The following SH3GL1 variants were observed in gnomAD, a reference collection of about 807,000 sequenced individuals.
SH3GL1 encodes the protein SH3 domain containing GRB2 like 1, endophilin A2, also known as endophilin-A2.
In SH3GL1, 21 loss-of-function variants were observed where a neutral mutation model predicts 48.8. The ratio of observed to expected loss-of-function variants is 0.43; its 90% CI spans 0.30 to 0.62. SH3GL1 has a LOEUF of 0.62. Among genes scored for constraint, SH3GL1 ranks in the 20% least tolerant of loss-of-function variants. The pLI is 0.11. For synonymous variants in SH3GL1, 282 were observed against 217.5 expected (o/e 1.30, Z -2.61); for missense variants, 454 against 503.0 (o/e 0.90, Z 0.93).
At chr19:4,396,620 AT>A (rs1261124705) in intron 1 of SH3GL1, among the ~76,000 whole-genome samples, 3 of 151,886 alleles carry the variant, frequency 2.0e-5, no homozygotes, top group Non-Finnish European at 2.9e-5. Flanking sequence ...CTCAGTGGGG[AT>A]TTTTTTGTTC....
chr19:4,393,412 G>A (rs1387121335), intron 1 of SH3GL1, among the ~76,000 whole-genome samples: 1 of 152,156 alleles, frequency 6.6e-6, no homozygotes, highest in African/African-American at 2.4e-5. Context: ...TTGAGTCCAG[G>A]AGTTCAAGAC....
In SH3GL1 at chr19:4,376,187, CT is replaced by C. The variant is rs1973005484; in HGVS notation, c.46-9194del. ...GCCCTTCCTGAGACACAGAAACCAT[CT>C]TCACCATCTCTAAGATCCCTTCCAT... is the stretch of plus-strand genomic sequence containing the variant. On this transcript the variant is annotated intron_variant, in intron 1 of 9. Coordinates refer to ENST00000269886, the MANE Select transcript of SH3GL1 (RefSeq NM_003025.4). The surrounding 1 kb of genome is among the most constrained non-coding windows in gnomAD (Gnocchi z 4.3). 6.6e-6 allele frequency among the ~76,000 whole-genome samples: 1 copy of C among 152,214 alleles called. No homozygotes were observed. The highest frequency in any genetic ancestry group is 2.4e-5 in the African/African-American group (1 of 41,466).
chr19:4,367,034 T>TAGGAGGCTGGGC lies in SH3GL1; in HGVS notation c.46-41_46-40insGCCCAGCCTCCT. 6.3e-7 allele frequency: 1 copy of TAGGAGGCTGGGC among 1,594,254 alleles called. No individual in the cohort carries two copies. Among genetic ancestry groups the TAGGAGGCTGGGC allele is most frequent in the Admixed American group, 1.7e-5 (1 of 59,946 alleles). On this transcript the variant is annotated intron_variant, in intron 1 of 9. Coordinates refer to ENST00000269886, the MANE Select transcript of SH3GL1 (RefSeq NM_003025.4). This position sits in a 1 kb window ranked among gnomAD's most constrained non-coding sequence, Gnocchi z 4.2. ...AGGGGAAACGCTGTGAGCCCAGGGG[T>TAGGAGGCTGGGC]AGGAGGAAGAAGAGGACAGGAGGCC...
Position 4,366,546 on chromosome 19 carries a change from T to A in SH3GL1, c.142A>T (p.Thr48Ser). Residue 48 changes from threonine to serine, a missense_variant, in exon 3 of 10, where the codon ACA becomes TCA. Thr to Ser is a moderately conservative substitution (Grantham distance 58). Coordinates refer to ENST00000269886, the MANE Select transcript of SH3GL1 (RefSeq NM_003025.4). ...KKVDVTSKAV[T>S]EVLARTIEYL... Reference sequence around the variant, plus strand: ...TCGATGGTCCTGGCCAGCACTTCTGTCACCGCCTTGCTGGTGACATCCACC... The same window carrying A: ...TCGATGGTCCTGGCCAGCACTTCTGACACCGCCTTGCTGGTGACATCCACC... The A allele has an allele frequency of 6.2e-7, 1 of 1,612,182 alleles. No individual in the cohort carries two copies. Among genetic ancestry groups the A allele is most frequent in the Non-Finnish European group, 8.5e-7 (1 of 1,179,658 alleles).
rs149206292 is a variant in SH3GL1, at chr19:4,382,807, G to T, written c.46-15813C>A. Among the ~76,000 whole-genome samples, 225 of 152,298 alleles carry T rather than the reference G, an allele frequency of 1.5e-3. 5 individuals are homozygous for T. The East Asian group carries it at 0.038, about 25-fold the overall frequency. On this transcript the variant is annotated intron_variant, in intron 1 of 9. Transcript: ENST00000269886. ...GTTCTAGAAAGCTACCTCAAGCACA[G>T]AGTTGGCCAGTACTGAGCCACTGTT...
At chr19:4,363,187 A>G (rs1347395098) in intron 7 of SH3GL1, among the ~76,000 whole-genome samples, 183 bp downstream of exon 7, 1 of 152,132 alleles carries the variant, frequency 6.6e-6, no homozygotes, top group Non-Finnish European at 1.5e-5. Context: ...GTTGACTCAG[A>G]GTTCTCAGAG....
intron 1 of SH3GL1, chr19:4,380,157 T>A (rs1000235422): frequency 2.0e-5 from 3 of 152,456 alleles, no homozygotes; most frequent in Non-Finnish European, 2.9e-5. Flanking sequence ...GCTCTCTCCC[T>A]GCACCGGAAA....
intron 1 of SH3GL1, among the ~76,000 whole-genome samples, chr19:4,397,757 T>C (rs1973450893): frequency 6.6e-6 from 1 of 152,178 alleles, no homozygotes; most frequent in African/African-American, 2.4e-5. Context: ...TTCGTCTGGA[T>C]TAAATCTTTC....
intron 4 of SH3GL1, among the ~76,000 whole-genome samples, chr19:4,364,866 T>TGTGTGTGTG (rs1972729372): frequency 4.1e-5 from 4 of 97,168 alleles, no homozygotes; most frequent in African/African-American, 1.6e-4. Flanking sequence ...ACCCGGCTAA[T>TGTGTGTGTG]TGTGTGTGTG....
chr19:4,362,943 CCA>C (rs1341972798), intron 7 of SH3GL1, among the ~76,000 whole-genome samples: 2 of 152,116 alleles, frequency 1.3e-5, no homozygotes, highest in African/African-American at 4.8e-5. Context: ...TGGAGGCATC[CCA>C]GAGATTGCCA....
intron 1 of SH3GL1, among the ~76,000 whole-genome samples, chr19:4,386,903 G>A (rs1973245971): frequency 6.6e-6 from 1 of 152,208 alleles, no homozygotes; most frequent in Admixed American, 6.5e-5. Flanking sequence ...CACGTGGTCA[G>A]AACACAACTC....
At chr19:4,383,423 G>T (rs372829562) in intron 1 of SH3GL1, among the ~76,000 whole-genome samples, 1 of 150,876 alleles carries the variant, frequency 6.6e-6, no homozygotes, top group Non-Finnish European at 1.5e-5. Flanking sequence ...TTGTAGAGAC[G>T]GGGTTTCACT....
intron 1 of SH3GL1, among the ~76,000 whole-genome samples, chr19:4,396,335 G>A (rs572823489): frequency 6.6e-6 from 1 of 152,246 alleles, no homozygotes; most frequent in African/African-American, 2.4e-5. Flanking sequence ...GGAGGCGGAG[G>A]TTGCAGTGAG....
intron 1 of SH3GL1, among the ~76,000 whole-genome samples, chr19:4,372,304 CCAA>C (rs1430944383): frequency 6.6e-6 from 1 of 152,226 alleles, no homozygotes; most frequent in Admixed American, 6.5e-5. Flanking sequence ...TGCCCGGCCC[CCAA>C]CGTCACAGAG....
rs1468553591 is a variant in SH3GL1 at position 4,400,496 on chromosome 19, G to T, written c.-128C>A. ...TCCGCCACCCGCTTGCCAGCTCCGC[G>T]CCCGCCCCGGCGCCGCCTCAGCCGC... On this transcript the variant is annotated 5_prime_UTR_variant, in exon 1 of 10. Coordinates refer to ENST00000269886, the MANE Select transcript of SH3GL1 (RefSeq NM_003025.4). This position sits in a 1 kb window ranked among gnomAD's most constrained non-coding sequence, Gnocchi z 4.1. The T allele has an allele frequency of 2.6e-6, 2 of 755,244 alleles. No individual in the cohort carries two copies. Among genetic ancestry groups the T allele is most frequent in the Non-Finnish European group, 3.3e-6 (2 of 603,166 alleles). 46.8% of individuals were successfully genotyped at this position (755,244 alleles called of 1,614,324 possible). A position where few individuals can be genotyped will look rare whatever the true frequency, so the allele number is the denominator to read the frequency against.
Position 4,360,486 on chromosome 19 carries a change from AG to A in SH3GL1, c.*1113del, listed in dbSNP as rs562664946. On this transcript the variant is annotated 3_prime_UTR_variant, in exon 10 of 10. Transcript: ENST00000269886. ...CTGCGCCCCTCATGTACTTCTGACG[AG>A]GGGGGTGCAGGGCAGGGCAGAGCAG... 8.3e-4 allele frequency: 195 copies of A among 233,786 alleles called. 1 individual carries two copies. The highest frequency in any genetic ancestry group is 6.8e-3 in the South Asian group (39 of 5,694). 14.5% of individuals were successfully genotyped at this position (233,786 alleles called of 1,614,324 possible).
intron 9 of SH3GL1, 129 bp from the exon 10 acceptor site, chr19:4,361,925 C>CCCCCTG: frequency 1.5e-6 from 1 of 671,146 alleles, no homozygotes; most frequent in Non-Finnish European, 2.5e-6. Flanking sequence ...GCCTGGGCCA[C>CCCCCTG]CCCCTGCCCC....
chr19:4,386,773 C>A (rs1175810553), intron 1 of SH3GL1, among the ~76,000 whole-genome samples: 1 of 152,046 alleles, frequency 6.6e-6, no homozygotes, highest in Non-Finnish European at 1.5e-5. Flanking sequence ...CAGGATCCCC[C>A]GATCCTAAGA....
At chr19:4,373,976 G>A (rs754547106) in intron 1 of SH3GL1, among the ~76,000 whole-genome samples, 3 of 152,364 alleles carry the variant, frequency 2.0e-5, no homozygotes, top group South Asian at 4.1e-4. Context: ...TCAGGCTGTC[G>A]GGCCCTGCCC....
Sources: gnomAD v4.1 joint callset for allele counts (sites outside exome capture counted in the v4.1 genomes callset) on GRCh38, gnomAD v4.1.1 for gene constraint, Gnocchi (gnomAD v3.1) non-coding constraint, MANE v1.5 for transcripts, NCBI Gene and HGNC (gene_info 2026-07-23, HGNC 2026-07-21) for gene names.